The following LARP1B variants were observed in gnomAD, a reference collection of about 807,000 sequenced individuals.
The protein encoded by LARP1B is La ribonucleoprotein 1B, also known as la-related protein 1B.
Under a neutral mutation model 114.2 loss-of-function variants are expected in LARP1B, and 76 were observed. The ratio of observed to expected loss-of-function variants is 0.67; its 90% CI spans 0.55 to 0.81. The LOEUF (loss-of-function observed/expected upper bound fraction) is 0.81. Among genes scored for constraint, LARP1B ranks in the 30% least tolerant of loss-of-function variants. The probability of loss-of-function intolerance (pLI) is 0.00; values close to 1 mark genes in which losing one functional copy is unlikely to be tolerated. For synonymous variants in LARP1B, 345 were observed against 348.0 expected, an observed-to-expected ratio of 0.99 and a Z score of 0.10; for missense variants, 1,014 against 1,075.8, an observed-to-expected ratio of 0.94 and a Z score of 0.80.
chr4:128,122,520 T>TA, intron 11 of LARP1B: 2 of 1,529,750 alleles, frequency 1.3e-6, no homozygotes, highest in Non-Finnish European at 1.7e-6. Flanking sequence ...TATGAAAGAA[T>TA]AAAAACAAGT....
chr4:128,113,015 TAAAC>T (rs1051692018), intron 9 of LARP1B, among the ~76,000 whole-genome samples: 5 of 152,224 alleles, frequency 3.3e-5, no homozygotes, highest in African/African-American at 9.6e-5. Context: ...TAGTAAATAT[TAAAC>T]AAAAGATTGC....
At chr4:128,082,139 C>T in intron 4 of LARP1B, 26 bp from the exon 5 acceptor site, 1 of 1,602,714 alleles carries the variant, frequency 6.2e-7, no homozygotes, top group Non-Finnish European at 8.5e-7. Flanking sequence ...GTACATTTGT[C>T]CTTAAATGAT....
rs1161626239 is a variant in LARP1B at position 128,178,648 on chromosome 4, C to T, written c.1896+6C>T. ...CAAAAGCCATTGATGTAAAGGTATA[C>T]AAAACAACCAGGAATATAAGGCTTG... is the stretch of plus-strand genomic sequence containing the variant. On this transcript the variant is annotated splice_donor_region_variant and intron_variant, in intron 14 of 19. Coordinates refer to ENST00000326639, the MANE Select transcript of LARP1B (RefSeq NM_018078.4). The T allele has an allele frequency of 6.3e-7, 1 of 1,598,800 alleles. No individual in the cohort carries two copies. The highest frequency in any genetic ancestry group is 8.6e-7 in the Non-Finnish European group (1 of 1,166,788).
intron 11 of LARP1B, among the ~76,000 whole-genome samples, chr4:128,133,681 A>C (rs2150128802): frequency 6.6e-6 from 1 of 152,304 alleles, no homozygotes; most frequent in Middle Eastern, 3.4e-3. Flanking sequence ...TAAACCCTTA[A>C]GTATATGGTT....
At chr4:128,111,514 C>T (rs1030754216) in intron 9 of LARP1B, among the ~76,000 whole-genome samples, 3 of 152,052 alleles carry the variant, frequency 2.0e-5, no homozygotes, top group Non-Finnish European at 2.9e-5. Flanking sequence ...GCCTGGGTAA[C>T]AAAGTGAGAC....
chr4:128,184,192 G>A (rs1484626033), intron 15 of LARP1B, among the ~76,000 whole-genome samples: 1 of 152,198 alleles, frequency 6.6e-6, no homozygotes, highest in Non-Finnish European at 1.5e-5. Flanking sequence ...TGGGTAAAAT[G>A]CTATCAGGAC....
At chr4:128,123,902 C>T (rs543470301) in intron 11 of LARP1B, 41 of 157,522 alleles carry the variant, frequency 2.6e-4, no homozygotes, top group African/African-American at 7.9e-4. Flanking sequence ...TAAATATTAA[C>T]GGAAAGTAAT....
intron 15 of LARP1B, among the ~76,000 whole-genome samples, chr4:128,182,953 C>T (rs1260661288): frequency 2.6e-5 from 4 of 152,196 alleles, no homozygotes. Context: ...GGCCCTGACT[C>T]TCTTCAATTC....
At chr4:128,103,460 C>G (rs1160599971) in intron 8 of LARP1B, among the ~76,000 whole-genome samples, 1 of 151,806 alleles carries the variant, frequency 6.6e-6, no homozygotes, top group Admixed American at 6.6e-5. Flanking sequence ...TGGTAGTGGT[C>G]AGTGTTACTT....
At chr4:128,204,515 CGTG>C (rs1757002738) in intron 17 of LARP1B, among the ~76,000 whole-genome samples, 1 of 151,754 alleles carries the variant, frequency 6.6e-6, no homozygotes, top group Non-Finnish European at 1.5e-5. Context: ...ATTAGCCAGA[CGTG>C]GTGGCAGGCG....
intron 7 of LARP1B, among the ~76,000 whole-genome samples, chr4:128,220,803 A>T (rs1050919403): frequency 6.6e-6 from 1 of 152,232 alleles, no homozygotes; most frequent in Non-Finnish European, 1.5e-5. Context: ...TAAGTCACAC[A>T]GCAAGTTAAT....
At chr4:128,112,448 A>G (rs116407304) in intron 9 of LARP1B, among the ~76,000 whole-genome samples, 2 of 142,542 alleles carry the variant, frequency 1.4e-5, no homozygotes, top group African/African-American at 5.2e-5. Context: ...ATAACTGCAT[A>G]TAGCTAATGC....
intron 11 of LARP1B, among the ~76,000 whole-genome samples, chr4:128,157,554 AAAC>A (rs1167204051): frequency 6.6e-6 from 1 of 152,196 alleles, no homozygotes; most frequent in Non-Finnish European, 1.5e-5. Context: ...AGACCATATA[AAAC>A]AACTGAAAAC....
At chr4:128,199,414 G>T in intron 15 of LARP1B, 25 bp from the exon 16 acceptor site, 1 of 1,457,976 alleles carries the variant, frequency 6.9e-7, no homozygotes, top group Non-Finnish European at 9.1e-7. Flanking sequence ...TCATTTTGAA[G>T]GCTTTTTTCC....
At chr4:128,214,765 C>T (rs1759412865), downstream of LARP1B, among the ~76,000 whole-genome samples, 2 of 48,088 alleles carry the variant, frequency 4.2e-5, no homozygotes, top group South Asian at 1.8e-3. Context: ...CGCAGTTCCT[C>T]ACCAGCAACG....
At chr4:128,086,112 C>A (rs559593859) in intron 5 of LARP1B, among the ~76,000 whole-genome samples, 37 of 148,984 alleles carry the variant, frequency 2.5e-4, no homozygotes, top group Non-Finnish European at 3.8e-4. Flanking sequence ...CTCCCTGGTT[C>A]ACGCCATTCA....
chr4:128,096,271 G>A (rs1004064948), intron 7 of LARP1B, among the ~76,000 whole-genome samples: 1 of 152,130 alleles, frequency 6.6e-6, no homozygotes, highest in Admixed American at 6.5e-5. Flanking sequence ...GGGATTACAG[G>A]CGTGAGCCAC....
At chr4:128,165,432 T>G (rs1348775679) in intron 12 of LARP1B, among the ~76,000 whole-genome samples, 1 of 146,950 alleles carries the variant, frequency 6.8e-6, no homozygotes, top group East Asian at 2.1e-4. Flanking sequence ...AATTAAAAGA[T>G]AATTTTAATC....
Position 128,162,315 on chromosome 4 carries a change from A to G in LARP1B, c.1646A>G (p.Gln549Arg). The G allele has an allele frequency of 6.2e-7, 1 of 1,611,682 alleles. No individual in the cohort carries two copies. Among genetic ancestry groups the G allele is most frequent in the Non-Finnish European group, 8.5e-7 (1 of 1,178,826 alleles). Residue 549 changes from glutamine to arginine, a missense_variant and splice_region_variant, in exon 12 of 20, where the codon CAA becomes CGA. Transcript: ENST00000326639. Reference sequence around the variant, plus strand: ...CCTGTAGCACCTTCACAGTCCAGGCAAGGTATGTAAATCTGCTTTTGTGTA... The same window carrying G: ...CCTGTAGCACCTTCACAGTCCAGGCGAGGTATGTAAATCTGCTTTTGTGTA... ...EVPVAPSQSR[Q>R]GGVQGVLHIP...
Sources: allele counts gnomAD v4.1 joint callset (sites outside exome capture counted in the v4.1 genomes callset), GRCh38; gene constraint gnomAD v4.1.1; transcripts MANE v1.5; gene names NCBI Gene and HGNC (gene_info 2026-07-23, HGNC 2026-07-21).